ESPNL: variants seen among roughly 807,000 people sequenced by gnomAD.
ESPNL encodes the protein espin-like protein.
In ESPNL, 49 loss-of-function variants were observed where a neutral mutation model predicts 46.8. That is an observed-to-expected ratio of 1.05 (90% CI 0.83 to 1.33). The LOEUF (loss-of-function observed/expected upper bound fraction) is 1.33. Among genes scored for constraint, ESPNL ranks in the 40% most tolerant of loss-of-function variants. ESPNL has a pLI of 0.00. For synonymous variants in ESPNL, 664 were observed against 662.1 expected (o/e 1.00, Z -0.04); for missense variants, 1,540 against 1,436.6 (o/e 1.07, Z -1.16).
intron 3 of ESPNL, 38 bp downstream of exon 3, chr2:238,104,880 G>A (rs1032718133): frequency 7.1e-7 from 1 of 1,418,034 alleles, no homozygotes; most frequent in Non-Finnish European, 9.3e-7. Flanking sequence ...GACATCCAGG[G>A]AGTGTGGGCC....
At position 238,130,837 on chromosome 2, in the gene ESPNL, C is replaced by G. The variant is rs1692304781; in HGVS notation, c.2123C>G (p.Thr708Arg). 1 of 1,549,144 alleles carries G rather than the reference C, an allele frequency of 6.5e-7. No individual in the cohort carries two copies. Among genetic ancestry groups the G allele is most frequent in the African/African-American group, 1.4e-5 (1 of 73,718 alleles). ...TCAGGGGAGCCCAGGCCTGGCGACA[C>G]AGAGGAGGCCAGCGACTCTGGCATC... ...LASGEPRPGD[T>R]EEASDSGISC... Residue 708 changes from threonine to arginine, a missense_variant, in exon 9 of 9, where the codon ACA (threonine) becomes AGA (arginine). Coordinates refer to ENST00000343063, the MANE Select transcript of ESPNL (RefSeq NM_194312.4).
chr2:238,127,339 A>G (rs1391398699), intron 6 of ESPNL: 1 of 1,244,176 alleles, frequency 8.0e-7, no homozygotes, highest in Non-Finnish European at 1.0e-6. Flanking sequence ...GGGCGGCCTC[A>G]AGCCCTTCCC....
intron 5 of ESPNL, among the ~76,000 whole-genome samples, chr2:238,118,108 TTGGATGGAGGAGGGTGGGTGGAGAAGGAA>T (rs1691857128): frequency 1.5e-5 from 1 of 67,282 alleles, no homozygotes; most frequent in Admixed American, 1.5e-4. Flanking sequence ...GATGGAGGAG[TTGGATGGAGGAGGGTGGGTGGAGAAGGAA>T]TGGATGGAGG....
At chr2:238,123,805 A>G (rs1392822805) in intron 5 of ESPNL, among the ~76,000 whole-genome samples, 1 of 152,152 alleles carries the variant, frequency 6.6e-6, no homozygotes, top group Non-Finnish European at 1.5e-5. Context: ...GTGGGCACAG[A>G]TTCCTGGAAG....
At chr2:238,104,552 G>C in intron 2 of ESPNL, 104 bp from the exon 3 acceptor site, 1 of 1,276,702 alleles carries the variant, frequency 7.8e-7, no homozygotes, top group South Asian at 1.6e-5. Flanking sequence ...GGGAAACTCA[G>C]TCATCACGGG....
intron 3 of ESPNL, 88 bp from the exon 4 acceptor site, chr2:238,107,703 T>G: frequency 1.5e-6 from 2 of 1,313,606 alleles, no homozygotes; most frequent in Admixed American, 2.4e-5. Flanking sequence ...ACAGCCAGAG[T>G]CCACTTTCAC....
chr2:238,102,978 C>T (rs1185292651), intron 2 of ESPNL, among the ~76,000 whole-genome samples: 22 of 152,228 alleles, frequency 1.4e-4, no homozygotes. Flanking sequence ...GTTCTCATTC[C>T]CGGGTGTTCC....
At chr2:238,126,680 GTGTA>G (rs1244689274) in intron 6 of ESPNL, among the ~76,000 whole-genome samples, 21 of 151,522 alleles carry the variant, frequency 1.4e-4, no homozygotes, top group Admixed American at 3.3e-4. Context: ...GTGTGATTGT[GTGTA>G]TGTGATTGTG....
intron 6 of ESPNL, among the ~76,000 whole-genome samples, chr2:238,127,134 T>TCTGTGTG (rs1559267282): frequency 5.3e-5 from 8 of 151,604 alleles, no homozygotes; most frequent in African/African-American, 1.9e-4. Context: ...TGTGTCTGTG[T>TCTGTGTG]GATTGTGTCT....
At position 238,128,915 on chromosome 2, in the gene ESPNL, G is replaced by A. The variant is rs1692208833; in HGVS notation, c.1413+11G>A. On this transcript the variant is annotated intron_variant, in intron 8 of 8. Transcript: ENST00000343063. ...TCCGCAGAGGCCCAGGTAGGCCCCC[G>A]GCAGGGGCGGGACCAGTGGGCGGGG... 1 of 1,533,132 alleles carries A rather than the reference G, an allele frequency of 6.5e-7. No homozygotes were observed. Among genetic ancestry groups the A allele is most frequent in the East Asian group, 2.5e-5 (1 of 40,694 alleles). 95.0% of individuals were successfully genotyped at this position (1,533,132 alleles called of 1,614,324 possible).
rs1422279106 is a variant in ESPNL, at chr2:238,114,592, C to A, written c.856-2311C>A. Among the ~76,000 whole-genome samples, 3 of 152,216 alleles carry A rather than the reference C, an allele frequency of 2.0e-5. No individual in the cohort carries two copies. Among genetic ancestry groups the A allele is most frequent in the Non-Finnish European group, 2.9e-5 (2 of 68,044 alleles). On this transcript the variant is annotated intron_variant, in intron 4 of 8. Transcript: ENST00000343063. The surrounding 1 kb of genome is among the most constrained non-coding windows in gnomAD (Gnocchi z 5.0). ...CTTCCTGCTTCCTCAGCCACACCAG[C>A]CACTGGCTCAGCCCTTCTGGGCCTC... is the stretch of plus-strand genomic sequence containing the variant.
rs747971476 is a variant in ESPNL, at chr2:238,130,902, G to T, written c.2188G>T (p.Gly730Cys). 6 of 1,545,114 alleles carry T rather than the reference G, an allele frequency of 3.9e-6. No homozygotes were observed. The Admixed American group carries it at 1.2e-4, about 30-fold the overall frequency. The change falls in exon 9 of 9, where the codon GGC becomes TGC. Residue 730 changes from glycine (G) to cysteine (C), a missense_variant. Physicochemically the swap from Gly to Cys is radical, Grantham distance 159. Coordinates refer to ENST00000343063, the MANE Select transcript of ESPNL (RefSeq NM_194312.4). ...EVPSEAGAAA[G>C]PDLASLRKER... ...GCCATCAGAGGCGGGTGCCGCAGCC[G>T]GCCCAGACCTGGCCAGCCTGCGCAA... is the stretch of plus-strand genomic sequence containing the variant.
chr2:238,130,734 T>A lies in ESPNL; in HGVS notation c.2020T>A (p.Cys674Ser). 6.4e-7 allele frequency: 1 copy of A among 1,564,740 alleles called. No individual in the cohort carries two copies. The highest frequency in any genetic ancestry group is 8.6e-7 in the Non-Finnish European group (1 of 1,158,168). ...GPLCGFNPGP[C>S]EPGAQHRQCL... ...ACTCTGTGGCTTCAACCCTGGCCCC[T>A]GCGAGCCGGGGGCCCAGCACAGGCA... Residue 674 changes from cysteine to serine, a missense_variant, in exon 9 of 9, where the codon TGC becomes AGC. By Grantham distance (112) the Cys-to-Ser change is moderately radical. Coordinates refer to ENST00000343063, the MANE Select transcript of ESPNL (RefSeq NM_194312.4).
intron 3 of ESPNL, 56 bp from the exon 4 acceptor site, chr2:238,107,735 C>T (rs1161178480): frequency 1.4e-5 from 21 of 1,488,826 alleles, no homozygotes; most frequent in Non-Finnish European, 1.8e-5. Context: ...GCCCCTCCCA[C>T]TCTGTGTGCC....
rs1479618049 is a variant in ESPNL, at chr2:238,127,628, C to A, written c.1109C>A (p.Ser370Tyr). 1 of 1,605,736 alleles carries A rather than the reference C, an allele frequency of 6.2e-7. No individual in the cohort carries two copies. The highest frequency in any genetic ancestry group is 1.3e-5 in the African/African-American group (1 of 74,936). Residue 370 changes from serine (S) to tyrosine (Y), a missense_variant, in exon 7 of 9, where the codon TCC becomes TAC. Physicochemically the swap from Ser to Tyr is moderately radical, Grantham distance 144. Transcript: ENST00000343063. ...GPGPGNPSPM[S>Y]LSPAWPGHPD... ...CCCTTCTTCTTCTTGGCAGCCATGT[C>A]CCTCAGCCCGGCCTGGCCTGGCCAT...
At chr2:238,118,276 G>GA (rs1691862872) in intron 5 of ESPNL, among the ~76,000 whole-genome samples, 1 of 144,118 alleles carries the variant, frequency 6.9e-6, no homozygotes, top group South Asian at 2.4e-4. Flanking sequence ...GATGGTGGAG[G>GA]GTGGATGGAG....
rs746648397 is a variant in ESPNL, at chr2:238,131,591, C to T, written c.2877C>T (p.Ser959=). The T allele has an allele frequency of 1.4e-5, 23 of 1,611,608 alleles. No homozygotes were observed. Among genetic ancestry groups the T allele is most frequent in the South Asian group, 7.7e-5 (7 of 91,016 alleles). ...GPLPHAAVPC[S]GPEPTAQRLG... ...TGCCTCACGCCGCCGTCCCCTGCAG[C>T]GGCCCTGAGCCCACAGCACAGCGGC... Residue 959 remains serine, a synonymous_variant, in exon 9 of 9, where the codon AGC becomes AGT. Transcript: ENST00000343063.
In ESPNL at chr2:238,116,900, C is replaced by A. The variant is rs757598211; in HGVS notation, c.856-3C>A. 1.9e-6 allele frequency: 3 copies of A among 1,612,052 alleles called. No homozygotes were observed. Among genetic ancestry groups the A allele is most frequent in the Non-Finnish European group, 1.7e-6 (2 of 1,179,544 alleles). ...GGTCACATGTGTGCCCTCCTCACTGCAGTGCTGCCAGACCCTAGTCTCCCA... is the reference window on the plus strand; with the variant it reads ...GGTCACATGTGTGCCCTCCTCACTGAAGTGCTGCCAGACCCTAGTCTCCCA... On this transcript the variant is annotated splice_region_variant and splice_polypyrimidine_tract_variant and intron_variant, in intron 4 of 8. Coordinates refer to ENST00000343063, the MANE Select transcript of ESPNL (RefSeq NM_194312.4).
chr2:238,125,477 G>A, intron 6 of ESPNL, 93 bp downstream of exon 6: 1 of 663,372 alleles, frequency 1.5e-6, no homozygotes, highest in Non-Finnish European at 2.3e-6. Flanking sequence ...CGGTGGGCAA[G>A]TCTGCGGGCA....
Sources: gnomAD v4.1 joint callset for allele counts (sites outside exome capture counted in the v4.1 genomes callset) on GRCh38, gnomAD v4.1.1 for gene constraint, Gnocchi (gnomAD v3.1) non-coding constraint, MANE v1.5 for transcripts, NCBI Gene and HGNC (gene_info 2026-07-23, HGNC 2026-07-21) for gene names.